Variants in SPAG16 observed in about 807,000 individuals in gnomAD.
SPAG16 encodes the protein sperm associated antigen 16.
A neutral mutation model predicts 80.4 loss-of-function variants in SPAG16; 86 were observed. The observed-to-expected ratio is 1.07, with a 90% confidence interval of 0.90 to 1.28. The LOEUF (loss-of-function observed/expected upper bound fraction) is 1.28, where lower values mean the gene tolerates loss of function less well. Among genes scored for constraint, SPAG16 ranks in the 50% most tolerant of loss-of-function variants. The pLI is 0.00. For missense variants in SPAG16, 870 were observed against 765.3 expected, an observed-to-expected ratio of 1.14 and a Z score of -1.61; for synonymous variants, 294 against 265.9, an observed-to-expected ratio of 1.11 and a Z score of -1.03.
chr2:213,832,477 T>C (rs540366855), intron 10 of SPAG16, among the ~76,000 whole-genome samples: 3 of 152,230 alleles, frequency 2.0e-5, no homozygotes, highest in African/African-American at 7.2e-5. Flanking sequence ...CCTGAATTCC[T>C]CCTTCTCACT....
intron 15 of SPAG16, among the ~76,000 whole-genome samples, chr2:214,347,010 T>C (rs926855101): frequency 6.6e-6 from 1 of 152,200 alleles, no homozygotes; most frequent in South Asian, 2.1e-4. Flanking sequence ...CAGAATTTGG[T>C]ACCTGAAAGT....
At chr2:214,061,981 GCACACACACACACACA>G (rs58582439) in intron 13 of SPAG16, among the ~76,000 whole-genome samples, 1 of 111,536 alleles carries the variant, frequency 9.0e-6, no homozygotes, top group South Asian at 3.0e-4. Flanking sequence ...ATAAAAGCAT[GCACACACACACACACA>G]CACACACACA....
chr2:213,926,508 TC>T (rs2078486089), intron 11 of SPAG16, among the ~76,000 whole-genome samples: 1 of 152,150 alleles, frequency 6.6e-6, no homozygotes, highest in Admixed American at 6.5e-5. Context: ...TCATTTTTTT[TC>T]CGGATTTATT....
intron 7 of SPAG16, among the ~76,000 whole-genome samples, chr2:213,356,755 C>T (rs2065680523): frequency 6.6e-6 from 1 of 152,112 alleles, no homozygotes; most frequent in Non-Finnish European, 1.5e-5. Flanking sequence ...TCCTTCAGTT[C>T]TGTTCTGATC....
intron 10 of SPAG16, among the ~76,000 whole-genome samples, chr2:213,610,829 G>A (rs77912086): frequency 0.061 from 9,305 of 152,138 alleles, 931 homozygotes; most frequent in African/African-American, 0.21. Context: ...TGAAGAATTA[G>A]TTTTCTTAAT....
intron 13 of SPAG16, among the ~76,000 whole-genome samples, chr2:214,026,946 T>C (rs1367321239): frequency 6.6e-6 from 1 of 151,654 alleles, no homozygotes; most frequent in Non-Finnish European, 1.5e-5. Flanking sequence ...TTGCTGATTC[T>C]CAAATCCCTT....
At chr2:213,920,961 G>A (rs989455258) in intron 11 of SPAG16, among the ~76,000 whole-genome samples, 1 of 152,200 alleles carries the variant, frequency 6.6e-6, no homozygotes, top group South Asian at 2.1e-4. Flanking sequence ...GATTCCAGAG[G>A]CCTGTGGCAA....
chr2:213,398,302 T>C (rs1465793082), intron 9 of SPAG16, among the ~76,000 whole-genome samples: 2 of 152,128 alleles, frequency 1.3e-5, no homozygotes, highest in Non-Finnish European at 2.9e-5. Context: ...AACATAAGTC[T>C]GTCCATGACA....
chr2:213,636,508 G>A (rs1224326294), intron 10 of SPAG16, among the ~76,000 whole-genome samples: 1 of 152,150 alleles, frequency 6.6e-6, no homozygotes, highest in African/African-American at 2.4e-5. Flanking sequence ...TTGGTATTTT[G>A]ATGGGAATTG....
At chr2:214,238,266 C>A in intron 15 of SPAG16, 2 of 303,814 alleles carry the variant, frequency 6.6e-6, no homozygotes, top group Non-Finnish European at 6.5e-6. Context: ...TATTTTATGC[C>A]TCGTTTTCCA....
intron 15 of SPAG16, among the ~76,000 whole-genome samples, chr2:214,326,856 A>T (rs1360620063): frequency 6.7e-6 from 1 of 148,880 alleles, no homozygotes; most frequent in East Asian, 2.1e-4. Context: ...GAGGCAGGAG[A>T]ATGGTGTGAA....
At chr2:214,380,459 G>A (rs1261620018) in intron 15 of SPAG16, among the ~76,000 whole-genome samples, 1 of 152,164 alleles carries the variant, frequency 6.6e-6, no homozygotes, top group Non-Finnish European at 1.5e-5. Flanking sequence ...TGTTAATAAT[G>A]AGTGAGAGTT....
chr2:213,938,930 C>T lies in SPAG16; in HGVS notation c.1400+8785C>T, dbSNP rs2079094221. On this transcript the variant is annotated intron_variant, in intron 12 of 15. Coordinates refer to ENST00000331683, the MANE Select transcript of SPAG16 (RefSeq NM_024532.5). ...AGAAAATTTAAGTAATGTTTCCTCCCATTGTCTGACATGAGTTTATGCAAA... is the reference window on the plus strand; with the variant it reads ...AGAAAATTTAAGTAATGTTTCCTCCTATTGTCTGACATGAGTTTATGCAAA... Among the ~76,000 whole-genome samples, 3 of 151,884 alleles carry T rather than the reference C, an allele frequency of 2.0e-5. No homozygotes were observed. The South Asian group carries it at 6.2e-4, about 31-fold the overall frequency.
At chr2:213,837,276 A>T (rs1014086376) in intron 10 of SPAG16, among the ~76,000 whole-genome samples, 2 of 152,218 alleles carry the variant, frequency 1.3e-5, no homozygotes, top group African/African-American at 4.8e-5. Context: ...ATTAGAATCT[A>T]TTTACTATAT....
intron 13 of SPAG16, among the ~76,000 whole-genome samples, chr2:214,063,712 A>G (rs1164614840): frequency 6.6e-6 from 1 of 152,206 alleles, no homozygotes; most frequent in African/African-American, 2.4e-5. Flanking sequence ...CTTCCTCCAT[A>G]TATAAACATG....
At chr2:213,985,827 A>G (rs558474754) in intron 12 of SPAG16, among the ~76,000 whole-genome samples, 1 of 152,194 alleles carries the variant, frequency 6.6e-6, no homozygotes, top group Admixed American at 6.6e-5. Flanking sequence ...AGGCTATTGA[A>G]GACCGGCCAT....
chr2:213,777,033 G>T (rs567148062), intron 10 of SPAG16, among the ~76,000 whole-genome samples: 14 of 151,830 alleles, frequency 9.2e-5, no homozygotes, highest in African/African-American at 3.1e-4. Context: ...TACATTAACC[G>T]TAGTTATTAA....
chr2:214,037,887 G>A (rs1482909555), intron 13 of SPAG16, among the ~76,000 whole-genome samples: 9 of 151,020 alleles, frequency 6.0e-5, no homozygotes, highest in Admixed American at 1.3e-4. Context: ...GTGTGTGTGT[G>A]TGTGTGTGTG....
intron 13 of SPAG16, among the ~76,000 whole-genome samples, chr2:214,046,702 G>A (rs578137654): frequency 6.6e-6 from 1 of 152,148 alleles, no homozygotes; most frequent in African/African-American, 2.4e-5. Flanking sequence ...AATCAGACAA[G>A]AGAACGAAAT....
Sources: gnomAD v4.1 joint callset for allele counts (sites outside exome capture counted in the v4.1 genomes callset) on GRCh38, gnomAD v4.1.1 for gene constraint, MANE v1.5 for transcripts, NCBI Gene and HGNC (gene_info 2026-07-23, HGNC 2026-07-21) for gene names.